The following PRR14L variants were observed in gnomAD, a reference collection of about 807,000 sequenced individuals.
PRR14L encodes the protein proline rich 14 like, also known as protein PRR14L.
In PRR14L, 80 loss-of-function variants were observed where a neutral mutation model predicts 155.0. The observed-to-expected ratio is 0.52, with a 90% confidence interval of 0.43 to 0.62. PRR14L has a LOEUF of 0.62. Ranked by LOEUF, PRR14L falls within the 20% of genes least tolerant of loss-of-function variation. The probability of loss-of-function intolerance (pLI) is 0.00; values close to 1 mark genes in which losing one functional copy is unlikely to be tolerated. For synonymous variants in PRR14L, 883 were observed against 916.0 expected (o/e 0.96, Z 0.65); for missense variants, 2,469 against 2,548.0 (o/e 0.97, Z 0.67).
chr22:31,708,093 G>C (rs1049047883), intron 4 of PRR14L, among the ~76,000 whole-genome samples: 5 of 151,986 alleles, frequency 3.3e-5, no homozygotes, highest in Non-Finnish European at 7.4e-5. Context: ...AGGTTGCGGT[G>C]AGCTGAGATT....
intron 1 of PRR14L, among the ~76,000 whole-genome samples, chr22:31,744,903 T>G (rs1022578106): frequency 6.6e-6 from 1 of 152,196 alleles, no homozygotes; most frequent in Non-Finnish European, 1.5e-5. Context: ...GACCAAATTC[T>G]AAGAATTTCA....
rs778607343 is a variant in PRR14L at position 31,715,190 on chromosome 22, A to G, written c.2649T>C (p.Ser883=). The stretch of plus-strand genomic sequence containing the variant: ...TGTGAATGGTTTTGTTTGAAATTCC[A>G]CTATTTAACAAGCCTGCTACCATTT... The part of the protein sequence containing the change: ...RNKMVAGLLN[S]GISNKTIHTS... Residue 883 remains serine, a synonymous_variant, in exon 4 of 9, where the codon AGT becomes AGC. Transcript: ENST00000327423. 16 of 1,551,972 alleles carry G rather than the reference A, an allele frequency of 1.0e-5. No homozygotes were observed. The South Asian group carries it at 1.8e-4, about 17-fold the overall frequency.
chr22:31,728,482 G>A (rs543816777), intron 2 of PRR14L, among the ~76,000 whole-genome samples: 6 of 151,918 alleles, frequency 3.9e-5, no homozygotes, highest in South Asian at 2.1e-4. Flanking sequence ...GCATGGTGGC[G>A]GGTGCCTGTA....
Position 31,701,717 on chromosome 22 carries a change from G to A in PRR14L, c.6046C>T (p.Arg2016Trp), listed in dbSNP as rs374861647. ...GGATCTGGCCTAGGAATGGTTTTCCGGATGCGAATCTGTGAGACTTTCTTT... is the reference window on the plus strand; with the variant it reads ...GGATCTGGCCTAGGAATGGTTTTCCAGATGCGAATCTGTGAGACTTTCTTT... ...RPKKVSQIRIRKTIPRPDPNL... is the reference protein window; with the variant it reads ...RPKKVSQIRIWKTIPRPDPNL... Residue 2016 changes from arginine (R) to tryptophan (W), a missense_variant, in exon 7 of 9, where the codon CGG becomes TGG. Arg to Trp is a moderately radical substitution (Grantham distance 101). Coordinates refer to ENST00000327423, the MANE Select transcript of PRR14L (RefSeq NM_173566.3). 5 of 1,614,036 alleles carry A rather than the reference G, an allele frequency of 3.1e-6. No homozygotes were observed. Among genetic ancestry groups the A allele is most frequent in the Non-Finnish European group, 4.2e-6 (5 of 1,180,008 alleles).
At chr22:31,718,589 G>A (rs1197164614) in intron 3 of PRR14L, among the ~76,000 whole-genome samples, 3 of 147,426 alleles carry the variant, frequency 2.0e-5, no homozygotes, top group Admixed American at 1.3e-4. Context: ...TACTAGAGAC[G>A]GGGTTTCACC....
intron 2 of PRR14L, among the ~76,000 whole-genome samples, chr22:31,729,753 T>A (rs932382776): frequency 4.6e-5 from 7 of 151,794 alleles, no homozygotes; most frequent in African/African-American, 1.7e-4. Flanking sequence ...AAAGACGGGG[T>A]AAGGGGAGAA....
chr22:31,696,877 G>C (rs2147855098), intron 7 of PRR14L, among the ~76,000 whole-genome samples: 1 of 152,342 alleles, frequency 6.6e-6, no homozygotes, highest in Admixed American at 6.5e-5. Flanking sequence ...CACTTTGGGA[G>C]GCCAAGGCGG....
At position 31,715,450 on chromosome 22, in the gene PRR14L, G is replaced by C. The variant is rs1318710154; in HGVS notation, c.2389C>G (p.Gln797Glu). 1.9e-6 allele frequency: 3 copies of C among 1,552,350 alleles called. No homozygotes were observed. The highest frequency in any genetic ancestry group is 1.7e-4 in the Middle Eastern group (1 of 5,998). Residue 797 changes from glutamine to glutamate, a missense_variant, in exon 4 of 9, where the codon CAG (glutamine) becomes GAG (glutamate). Coordinates refer to ENST00000327423, the MANE Select transcript of PRR14L (RefSeq NM_173566.3). ...GCAGAAGCAGAACACATGTTTTCCT[G>C]GGATACATTTTTTCTTACACGATGA... ...SCHRVRKNVS[Q>E]ENMCSASAAF...
intron 1 of PRR14L, among the ~76,000 whole-genome samples, chr22:31,749,454 G>A (rs1454254453): frequency 4.6e-5 from 7 of 152,172 alleles, no homozygotes; most frequent in Admixed American, 3.3e-4. Flanking sequence ...AATAAAGGAG[G>A]AAGGTAAGTC....
chr22:31,749,033 A>C (rs1413723026), intron 1 of PRR14L, among the ~76,000 whole-genome samples: 2 of 152,196 alleles, frequency 1.3e-5, no homozygotes, highest in East Asian at 3.8e-4. Flanking sequence ...TTCTCTGTGC[A>C]AGATATTAGT....
At chr22:31,697,792 GGAAGTT>G (rs1193094046) in intron 7 of PRR14L, among the ~76,000 whole-genome samples, 1 of 152,078 alleles carries the variant, frequency 6.6e-6, no homozygotes, top group African/African-American at 2.4e-5. Context: ...CCTGAGCCCA[GGAAGTT>G]GAAGTTGAAG....
chr22:31,704,469 T>A, intron 5 of PRR14L, 186 bp downstream of exon 5: 1 of 443,430 alleles, frequency 2.3e-6, no homozygotes, highest in Non-Finnish European at 4.1e-6. Flanking sequence ...TACACATTCC[T>A]AGTTGCTGCT....
At chr22:31,725,212 T>C (rs1273836927) in intron 3 of PRR14L, among the ~76,000 whole-genome samples, 1 of 151,962 alleles carries the variant, frequency 6.6e-6, no homozygotes, top group East Asian at 1.9e-4. Flanking sequence ...CTAGGCAACA[T>C]GGTGAGACCT....
chr22:31,715,017 A>C lies in PRR14L; in HGVS notation c.2822T>G (p.Val941Gly), dbSNP rs942223344. ...QTVNIPGPEK[V>G]LDQSPTVMFS... ...CATAACAGTAGGAGACTGGTCCAAC[A>C]CTTTTTCAGGACCTGGAATGTTTAC... is the stretch of plus-strand genomic sequence containing the variant. Residue 941 changes from valine to glycine, a missense_variant, in exon 4 of 9, where the codon GTG becomes GGG. Physicochemically the swap from Val to Gly is moderately radical, Grantham distance 109 (BLOSUM62 -3). This residue lies in a region of PRR14L where 2,363 missense variants were observed against 2,371.6 expected (regional missense o/e 1.00). Transcript: ENST00000327423. 1 of 1,552,080 alleles carries C rather than the reference A, an allele frequency of 6.4e-7. No individual in the cohort carries two copies. The highest frequency in any genetic ancestry group is 8.7e-7 in the Non-Finnish European group (1 of 1,147,066).
intron 1 of PRR14L, among the ~76,000 whole-genome samples, chr22:31,741,758 G>A (rs1353902922): frequency 6.6e-6 from 1 of 151,990 alleles, no homozygotes; most frequent in East Asian, 1.9e-4. Flanking sequence ...TGTAGTCCCA[G>A]CTACTTAGGA....
intron 7 of PRR14L, among the ~76,000 whole-genome samples, chr22:31,700,204 T>C (rs555410623): frequency 1.6e-4 from 24 of 152,312 alleles, no homozygotes; most frequent in Admixed American, 6.5e-4. Context: ...GTGGAAATAA[T>C]TGAATGACTT....
chr22:31,732,999 T>G (rs1004873906), intron 2 of PRR14L, among the ~76,000 whole-genome samples: 1 of 152,016 alleles, frequency 6.6e-6, no homozygotes, highest in African/African-American at 2.4e-5. Context: ...TTTTTTTTTT[T>G]TTTTTGAGAC....
At chr22:31,707,521 T>C (rs1194359748) in intron 4 of PRR14L, among the ~76,000 whole-genome samples, 2 of 152,062 alleles carry the variant, frequency 1.3e-5, no homozygotes, top group Non-Finnish European at 2.9e-5. Context: ...GCTGGGACTA[T>C]AGGCATGTGC....
In PRR14L at chr22:31,713,752, T is replaced by C. The variant is rs1170878046; in HGVS notation, c.4087A>G (p.Thr1363Ala). The stretch of plus-strand genomic sequence containing the variant: ...TTGCTCACGGGATCGCCATCGCCAG[T>C]TTCTCTGGTAACCAACTCCTCAGAT... The part of the protein sequence containing the change: ...EQSEELVTRE[T>A]GDGDPVSNIS... The change falls in exon 4 of 9, where the codon ACT becomes GCT. Residue 1363 changes from threonine to alanine, a missense_variant. Around this residue, in one of 2 missense-constraint regions of PRR14L, gnomAD observed 2,363 missense variants for 2,371.6 expected, o/e 1.00. Transcript: ENST00000327423. 6.4e-7 allele frequency: 1 copy of C among 1,552,356 alleles called. No individual in the cohort carries two copies. Among genetic ancestry groups the C allele is most frequent in the Admixed American group, 2.0e-5 (1 of 50,994 alleles).
Sources: allele counts gnomAD v4.1 joint callset (sites outside exome capture counted in the v4.1 genomes callset), GRCh38; gene constraint gnomAD v4.1.1; regional missense constraint gnomAD v4.1.1; transcripts MANE v1.5; gene names NCBI Gene and HGNC (gene_info 2026-07-23, HGNC 2026-07-21).